TYW1: variants seen among roughly 807,000 people sequenced by gnomAD.
TYW1 encodes the protein tRNA-yW synthesizing protein 1 homolog.
TYW1 carries 46 observed loss-of-function variants against 96.2 expected under a neutral mutation model. That is an observed-to-expected ratio of 0.48 (90% CI 0.38 to 0.61). The LOEUF (loss-of-function observed/expected upper bound fraction) is 0.61. Ranked by LOEUF, TYW1 falls within the 20% of genes least tolerant of loss-of-function variation. The pLI, the probability that TYW1 is intolerant of heterozygous loss-of-function variation, is 0.00. For missense variants in TYW1, 684 were observed against 909.6 expected (o/e 0.75, Z 3.19); for synonymous variants, 274 against 323.0 (o/e 0.85, Z 1.63).
At chr7:67,006,108 A>G (rs777411167) in intron 3 of TYW1, among the ~76,000 whole-genome samples, 26 of 152,120 alleles carry the variant, frequency 1.7e-4, no homozygotes, top group Admixed American at 4.6e-4. Flanking sequence ...TCGTAGTCCC[A>G]TTGTTGGAGG....
chr7:67,034,383 G>T (rs140970186), intron 7 of TYW1, among the ~76,000 whole-genome samples: 1 of 152,292 alleles, frequency 6.6e-6, no homozygotes, highest in African/African-American at 2.4e-5. Flanking sequence ...TGGGATTACA[G>T]TCGTGAGCCA....
chr7:67,048,782 T>G (rs1212106185), intron 7 of TYW1, among the ~76,000 whole-genome samples: 2 of 152,236 alleles, frequency 1.3e-5, no homozygotes, highest in Non-Finnish European at 2.9e-5. Flanking sequence ...AAGAAAAATA[T>G]CCTGCATAGG....
intron 10 of TYW1, among the ~76,000 whole-genome samples, chr7:67,081,573 G>C (rs531705181): frequency 2.0e-5 from 3 of 151,578 alleles, no homozygotes; most frequent in African/African-American, 7.3e-5. Context: ...TCTCCTTCTG[G>C]AATTCCTAAA....
intron 13 of TYW1, among the ~76,000 whole-genome samples, chr7:67,140,163 A>G (rs944731384): frequency 6.6e-6 from 1 of 152,084 alleles, no homozygotes; most frequent in Non-Finnish European, 1.5e-5. Flanking sequence ...TGAGAACAGC[A>G]TGGGAAACAC....
At chr7:67,002,037 C>CAA (rs71526592) in intron 3 of TYW1, among the ~76,000 whole-genome samples, 25 of 131,146 alleles carry the variant, frequency 1.9e-4, no homozygotes, top group South Asian at 4.9e-4. Context: ...CTGTCTCAAA[C>CAA]AAAAAAAAAA....
chr7:67,178,849 T>C (rs1324081963), intron 13 of TYW1, among the ~76,000 whole-genome samples: 2 of 140,758 alleles, frequency 1.4e-5, no homozygotes, highest in African/African-American at 5.6e-5. Flanking sequence ...CCTGGAGTTA[T>C]ACATTCATGT....
chr7:67,151,305 T>C (rs62464967), intron 13 of TYW1, among the ~76,000 whole-genome samples: 6,015 of 152,044 alleles, frequency 0.04, 84 homozygotes, highest in Middle Eastern at 0.095. Context: ...CGCCTCAGCC[T>C]CCCAAAGTGT....
At chr7:67,155,417 T>C (rs1250353418) in intron 13 of TYW1, among the ~76,000 whole-genome samples, 3 of 152,280 alleles carry the variant, frequency 2.0e-5, no homozygotes, top group African/African-American at 4.8e-5. Flanking sequence ...ATGCACCTGC[T>C]GCCCCTTCAC....
At chr7:67,029,420 T>TACATATATATATATATACAC (rs1178670060) in intron 7 of TYW1, among the ~76,000 whole-genome samples, 37 of 118,556 alleles carry the variant, frequency 3.1e-4, no homozygotes, top group Admixed American at 4.9e-4. Flanking sequence ...TGTGTGTATA[T>TACATATATATATATATACAC]ATATATATAT....
intron 3 of TYW1, among the ~76,000 whole-genome samples, chr7:67,001,711 C>T (rs1252311468): frequency 2.6e-5 from 4 of 151,594 alleles, no homozygotes; most frequent in African/African-American, 9.7e-5. Context: ...TGAGCCACCG[C>T]GCCCAGCCTT....
intron 10 of TYW1, among the ~76,000 whole-genome samples, chr7:67,072,949 T>A (rs1050723683): frequency 7.5e-6 from 1 of 134,014 alleles, no homozygotes; most frequent in Non-Finnish European, 1.6e-5. Context: ...TTTTTTTTTT[T>A]TTTTTTTTTT....
In TYW1 at chr7:67,202,548, C is replaced by T. The variant is rs1800636374; in HGVS notation, c.1977+7211C>T. ...AGTAGCTGGGACTATAGGCATGAAC[C>T]ACCATGCCCAGCTAATTTTTAAATT... On this transcript the variant is annotated intron_variant, in intron 15 of 15. Transcript: ENST00000359626. Among the ~76,000 whole-genome samples, 3 of 152,078 alleles carry T rather than the reference C, an allele frequency of 2.0e-5. No individual in the cohort carries two copies. The South Asian group carries it at 6.2e-4, about 32-fold the overall frequency.
chr7:67,138,196 T>G (rs1220552028), intron 13 of TYW1, among the ~76,000 whole-genome samples: 1 of 152,068 alleles, frequency 6.6e-6, no homozygotes, highest in Non-Finnish European at 1.5e-5. Context: ...CAGGGAATAG[T>G]GCGTATTGAA....
At chr7:67,232,701 T>C (rs1801783423) in intron 15 of TYW1, among the ~76,000 whole-genome samples, 1 of 120,842 alleles carries the variant, frequency 8.3e-6, no homozygotes, top group Admixed American at 8.6e-5. Context: ...GTCTTCTCAT[T>C]TTCTGCAGCT....
In TYW1 at chr7:67,231,914, A is replaced by C. The variant is rs1370614656; in HGVS notation, c.1978-6394A>C. Among the ~76,000 whole-genome samples, 4 of 151,130 alleles carry C rather than the reference A, an allele frequency of 2.6e-5. No homozygotes were observed. In the East Asian group the frequency reaches 7.8e-4, roughly 29 times the overall value. ...AAAAGTTTTAAATTGGGTCTTATGG[A>C]CTAGTTCTTTAATATTAAAAAAAAA... On this transcript the variant is annotated intron_variant, in intron 15 of 15. Transcript: ENST00000359626.
At chr7:67,051,685 G>A (rs892348641) in intron 8 of TYW1, among the ~76,000 whole-genome samples, 1 of 148,394 alleles carries the variant, frequency 6.7e-6, no homozygotes. Context: ...TCTGTGTTCC[G>A]TCTGGTATCC....
chr7:67,028,089 A>C (rs1289947003), intron 7 of TYW1, among the ~76,000 whole-genome samples: 2 of 150,112 alleles, frequency 1.3e-5, no homozygotes, highest in East Asian at 3.9e-4. Flanking sequence ...TACAAAAAAA[A>C]TAAGCTGGGC....
chr7:67,193,707 C>A (rs1315641595), intron 14 of TYW1, among the ~76,000 whole-genome samples: 1 of 149,286 alleles, frequency 6.7e-6, no homozygotes, highest in Non-Finnish European at 1.5e-5. Context: ...TGCAGTGAGC[C>A]GAGATCAGGC....
intron 13 of TYW1, among the ~76,000 whole-genome samples, chr7:67,143,824 T>C (rs895577800): frequency 1.3e-5 from 2 of 152,236 alleles, no homozygotes; most frequent in African/African-American, 4.8e-5. Flanking sequence ...AATTCTGTGA[T>C]TCTAAAAACA....
Sources: gnomAD v4.1 joint callset for allele counts (sites outside exome capture counted in the v4.1 genomes callset) on GRCh38, gnomAD v4.1.1 for gene constraint, MANE v1.5 for transcripts, NCBI Gene and HGNC (gene_info 2026-07-23, HGNC 2026-07-21) for gene names.